Variants in CD109 observed in about 807,000 individuals in gnomAD.
CD109 encodes CD109 antigen.
In CD109, 149 loss-of-function variants were observed where a neutral mutation model predicts 165.8. The observed-to-expected ratio is 0.90, with a 90% CI of 0.79 to 1.03. CD109 has a LOEUF of 1.03. Among genes scored for constraint, CD109 ranks in the 50% least tolerant of loss-of-function variants. The pLI is 0.00. For missense variants in CD109, 1,712 were observed against 1,677.8 expected, an observed-to-expected ratio of 1.02 and a Z score of -0.36; for synonymous variants, 585 against 592.1, an observed-to-expected ratio of 0.99 and a Z score of 0.18.
chr6:73,770,298 G>C (rs753838874), intron 14 of CD109, among the ~76,000 whole-genome samples: 4 of 152,184 alleles, frequency 2.6e-5, no homozygotes, highest in Non-Finnish European at 5.9e-5. Flanking sequence ...TAAAATAAAT[G>C]CTCTAAGAAA....
intron 2 of CD109, among the ~76,000 whole-genome samples, chr6:73,705,628 G>GAA (rs1771239014): frequency 7.6e-6 from 1 of 131,194 alleles, no homozygotes; most frequent in African/African-American, 3.1e-5. Context: ...TCAAGAAAAA[G>GAA]AAAAGAAAAG....
At chr6:73,810,800 C>T (rs572852054) in intron 27 of CD109, among the ~76,000 whole-genome samples, 192 bp from the exon 28 acceptor site, 2 of 152,118 alleles carry the variant, frequency 1.3e-5, no homozygotes, top group Non-Finnish European at 2.9e-5. Context: ...ACACTAAAAA[C>T]TATAAAACAT....
Position 73,810,006 on chromosome 6 carries a change from A to T in CD109, c.3378A>T (p.Ser1126=), listed in dbSNP as rs755847096. 1 of 1,592,812 alleles carries T rather than the reference A, an allele frequency of 6.3e-7. No homozygotes were observed. Among genetic ancestry groups the T allele is most frequent in the Non-Finnish European group, 8.5e-7 (1 of 1,172,536 alleles). ...EQEGGMQFWV[S]SESKLSDSWQ... is the part of the protein sequence containing the mutation. Reference sequence around the variant, plus strand: ...CAGGTGGCATGCAATTCTGGGTGTCATCAGAGTCCAAACTTTCTGACTCCT... The same window carrying T: ...CAGGTGGCATGCAATTCTGGGTGTCTTCAGAGTCCAAACTTTCTGACTCCT... Residue 1126 remains serine, a synonymous_variant, in exon 27 of 33, where the codon TCA becomes TCT. Transcript: ENST00000287097.
intron 7 of CD109, among the ~76,000 whole-genome samples, chr6:73,761,595 T>C (rs371152121): frequency 3.9e-5 from 6 of 152,204 alleles, no homozygotes; most frequent in African/African-American, 1.4e-4. Context: ...CGATCTTGGC[T>C]CACTGCAGCC....
chr6:73,752,176 G>A (rs1252504537), intron 5 of CD109, among the ~76,000 whole-genome samples: 1 of 152,106 alleles, frequency 6.6e-6, no homozygotes, highest in African/African-American at 2.4e-5. Context: ...TTTTGATTCT[G>A]GCATTGCTTT....
chr6:73,818,951 G>T (rs1776028121), intron 31 of CD109, among the ~76,000 whole-genome samples: 1 of 152,116 alleles, frequency 6.6e-6, no homozygotes, highest in South Asian at 2.1e-4. Context: ...CCCACTGCAG[G>T]CTCCTGAGTA....
At chr6:73,799,992 G>T (rs940143549) in intron 23 of CD109, among the ~76,000 whole-genome samples, 2 of 151,810 alleles carry the variant, frequency 1.3e-5, no homozygotes, top group Non-Finnish European at 2.9e-5. Flanking sequence ...GAACAGGTGG[G>T]ACTACAGGCA....
intron 14 of CD109, among the ~76,000 whole-genome samples, chr6:73,771,179 A>G (rs548741617): frequency 1.3e-5 from 2 of 152,348 alleles, no homozygotes; most frequent in East Asian, 3.9e-4. Context: ...GGAGAAAGGG[A>G]AGAAAAAAGA....
intron 18 of CD109, 61 bp downstream of exon 18, chr6:73,782,816 C>G: frequency 6.6e-7 from 1 of 1,516,438 alleles, no homozygotes; most frequent in Non-Finnish European, 9.0e-7. Context: ...TTTAAATAAG[C>G]TTTGCCCGCT....
chr6:73,706,650 G>A (rs1031033969), intron 2 of CD109, among the ~76,000 whole-genome samples: 1 of 152,194 alleles, frequency 6.6e-6, no homozygotes, highest in African/African-American at 2.4e-5. Flanking sequence ...GGCTCAGGGT[G>A]AAATTGGTCA....
In CD109 at chr6:73,815,030, G is replaced by T; in HGVS notation, c.3818G>T (p.Arg1273Ile). Residue 1273 changes from arginine (R) to isoleucine (I), a missense_variant, in exon 30 of 33, where the codon AGA becomes ATA. By Grantham distance (97) the Arg-to-Ile change is moderately conservative. Coordinates refer to ENST00000287097, the MANE Select transcript of CD109 (RefSeq NM_133493.5). ...VKASGSSRRR[R>I]SIQNQEAFDL... Reference sequence around the variant, plus strand: ...GCTTCTGGGTCTTCTAGAAGACGAAGATCTATCCAAAATCAAGAAGCCTTT... The same window carrying T: ...GCTTCTGGGTCTTCTAGAAGACGAATATCTATCCAAAATCAAGAAGCCTTT... The T allele has an allele frequency of 6.3e-7, 1 of 1,586,076 alleles. No individual in the cohort carries two copies. The highest frequency in any genetic ancestry group is 8.5e-7 in the Non-Finnish European group (1 of 1,171,066).
chr6:73,746,250 G>A (rs1772980562), intron 5 of CD109, among the ~76,000 whole-genome samples: 1 of 152,178 alleles, frequency 6.6e-6, no homozygotes, highest in South Asian at 2.1e-4. Context: ...AGGGAGTTTT[G>A]GAAAATGATA....
At position 73,762,442 on chromosome 6, in the gene CD109, T is replaced by A. The variant is rs1402543091; in HGVS notation, c.817T>A (p.Phe273Ile). The change falls in exon 8 of 33, where the codon TTT becomes ATT. Residue 273 changes from phenylalanine to isoleucine, a missense_variant. Coordinates refer to ENST00000287097, the MANE Select transcript of CD109 (RefSeq NM_133493.5). ...DVTLTFLPLSFWGKKKNITKT... is the reference protein window; with the variant it reads ...DVTLTFLPLSIWGKKKNITKT... The stretch of plus-strand genomic sequence containing the variant: ...AACGCTTACATTTTTACCTTTATCC[T>A]TTTGGGGAAAGAAGAAAAATATTAC... 1 of 1,612,056 alleles carries A rather than the reference T, an allele frequency of 6.2e-7. No individual in the cohort carries two copies. Among genetic ancestry groups the A allele is most frequent in the Non-Finnish European group, 8.5e-7 (1 of 1,178,416 alleles).
At chr6:73,794,260 G>A (rs1198686745) in intron 23 of CD109, among the ~76,000 whole-genome samples, 4 of 152,180 alleles carry the variant, frequency 2.6e-5, no homozygotes, top group African/African-American at 7.2e-5. Context: ...ACCCATGGTG[G>A]TCTGGTTCCA....
rs552609171 is a variant in CD109, at chr6:73,799,652, C to T, written c.2879-3568C>T. Among the ~76,000 whole-genome samples the T allele has an allele frequency of 3.9e-5, 6 of 152,252 alleles. No individual in the cohort carries two copies. The South Asian group carries it at 6.2e-4, about 16-fold the overall frequency. The stretch of plus-strand genomic sequence containing the variant: ...TTTAAATGACCAGATCTTACAGTAA[C>T]TCACTCACTATCTCAAGGACAGCAC... On this transcript the variant is annotated intron_variant, in intron 23 of 32. Coordinates refer to ENST00000287097, the MANE Select transcript of CD109 (RefSeq NM_133493.5).
rs371115932 is a variant in CD109 at position 73,766,871 on chromosome 6, C to T, written c.1434+11C>T. On this transcript the variant is annotated intron_variant, in intron 12 of 32. Coordinates refer to ENST00000287097, the MANE Select transcript of CD109 (RefSeq NM_133493.5). ...GATGAAAATATAAAGGTAATGCTTA[C>T]AATTCACTTGAGAATTACAATATAA... The T allele has an allele frequency of 6.2e-7, 1 of 1,605,412 alleles. No homozygotes were observed. Among genetic ancestry groups the T allele is most frequent in the Non-Finnish European group, 8.5e-7 (1 of 1,172,624 alleles).
intron 23 of CD109, among the ~76,000 whole-genome samples, chr6:73,801,272 A>G (rs1015644201): frequency 6.6e-6 from 1 of 152,228 alleles, no homozygotes; most frequent in Non-Finnish European, 1.5e-5. Context: ...TTATCTGTGA[A>G]AAAGGGAATA....
intron 5 of CD109, among the ~76,000 whole-genome samples, chr6:73,737,551 A>G (rs1277852058): frequency 1.3e-5 from 2 of 152,270 alleles, no homozygotes; most frequent in African/African-American, 4.8e-5. Flanking sequence ...AATGTAATGC[A>G]TAACCATTAA....
In CD109 at chr6:73,734,015, C is replaced by T. The variant is rs116202236; in HGVS notation, c.508-2368C>T. Among the ~76,000 whole-genome samples the T allele has an allele frequency of 3.9e-3, 594 of 152,232 alleles. 2 individuals carry two copies. The highest frequency in any genetic ancestry group is 0.014 in the African/African-American group (562 of 41,528). On this transcript the variant is annotated intron_variant, in intron 4 of 32. Coordinates refer to ENST00000287097, the MANE Select transcript of CD109 (RefSeq NM_133493.5). ...TGGCCTGCAGCTTTTCTGGCTGTGACGGGGGTATTGCTCATACTGTACATG... is the reference window on the plus strand; with the variant it reads ...TGGCCTGCAGCTTTTCTGGCTGTGATGGGGGTATTGCTCATACTGTACATG...
Sources: gnomAD v4.1 joint callset for allele counts (sites outside exome capture counted in the v4.1 genomes callset) on GRCh38, gnomAD v4.1.1 for gene constraint, MANE v1.5 for transcripts, NCBI Gene and HGNC (gene_info 2026-07-23, HGNC 2026-07-21) for gene names.